Variants in STX8 observed in about 807,000 individuals in gnomAD.
The protein encoded by STX8 is syntaxin-8.
In STX8, 23 loss-of-function variants were observed where a neutral mutation model predicts 37.5. That is an observed-to-expected ratio of 0.61 (90% CI 0.44 to 0.87). The LOEUF (loss-of-function observed/expected upper bound fraction) is 0.87. Ranked by LOEUF, STX8 falls within the 40% of genes least tolerant of loss-of-function variation. The probability of loss-of-function intolerance (pLI) is 0.00; values close to 1 mark genes in which losing one functional copy is unlikely to be tolerated. For missense variants in STX8, 313 were observed against 284.7 expected (o/e 1.10, Z -0.71); for synonymous variants, 115 against 99.1 (o/e 1.16, Z -0.95).
chr17:9,328,453 A>G (rs1909849150), intron 7 of STX8, among the ~76,000 whole-genome samples: 1 of 152,168 alleles, frequency 6.6e-6, no homozygotes, highest in South Asian at 2.1e-4. Flanking sequence ...CCGAGCCCCA[A>G]CAAGGTCATC....
chr17:9,463,677 C>G (rs1905488086), intron 6 of STX8, among the ~76,000 whole-genome samples: 1 of 152,032 alleles, frequency 6.6e-6, no homozygotes, highest in Admixed American at 6.6e-5. Flanking sequence ...GGAGGCCGAG[C>G]TGGGCGGATC....
chr17:9,367,800 G>A (rs906155245), intron 7 of STX8, among the ~76,000 whole-genome samples: 12 of 151,982 alleles, frequency 7.9e-5, no homozygotes, highest in Non-Finnish European at 1.5e-4. Flanking sequence ...GTAGGATCTC[G>A]GCTCACTGCA....
chr17:9,489,684 T>C lies in STX8; in HGVS notation c.541+2145A>G, dbSNP rs997512963. Among the ~76,000 whole-genome samples the C allele has an allele frequency of 1.2e-4, 11 of 95,250 alleles. No homozygotes were observed. In the South Asian group the frequency reaches 2.8e-3, roughly 24 times the overall value. 62.5% of individuals were successfully genotyped at this position (95,250 alleles called of 152,430 possible). A position where few individuals can be genotyped will look rare whatever the true frequency, so the allele number is the denominator to read the frequency against. On this transcript the variant is annotated intron_variant, in intron 6 of 7. Transcript: ENST00000306357. ...AGATAGGCAGATTTTCTATAAAGCT[T>C]ACTTTCCTTTTTTTTTTTTTTTGAG... is the stretch of plus-strand genomic sequence containing the variant.
At chr17:9,561,952 CTAGT>C (rs1907251259) in intron 2 of STX8, among the ~76,000 whole-genome samples, 1 of 151,964 alleles carries the variant, frequency 6.6e-6, no homozygotes, top group Non-Finnish European at 1.5e-5. Context: ...GAAGATGACA[CTAGT>C]TAAATAGATA....
intron 6 of STX8, among the ~76,000 whole-genome samples, chr17:9,443,584 C>A (rs1391942306): frequency 6.6e-6 from 1 of 152,144 alleles, no homozygotes; most frequent in Non-Finnish European, 1.5e-5. Context: ...CAGAGCCACT[C>A]CCTTGAGCCA....
intron 6 of STX8, among the ~76,000 whole-genome samples, chr17:9,435,725 G>T (rs1904408625): frequency 6.6e-6 from 1 of 152,128 alleles, no homozygotes; most frequent in Admixed American, 6.5e-5. Flanking sequence ...TAGATAATAA[G>T]AAAACAACCA....
At chr17:9,347,593 G>C (rs1246923084) in intron 7 of STX8, among the ~76,000 whole-genome samples, 7 of 152,102 alleles carry the variant, frequency 4.6e-5, no homozygotes, top group Non-Finnish European at 4.4e-5. Context: ...TCAGCTCATT[G>C]CAAAACTCTG....
intron 7 of STX8, among the ~76,000 whole-genome samples, chr17:9,301,665 T>G (rs1908793006): frequency 6.6e-6 from 1 of 151,164 alleles, no homozygotes; most frequent in South Asian, 2.1e-4. Flanking sequence ...TTTTTTTTTT[T>G]GTATTTTTAG....
chr17:9,281,068 A>G (rs1272734265), intron 7 of STX8, among the ~76,000 whole-genome samples: 1 of 152,096 alleles, frequency 6.6e-6, no homozygotes, highest in Non-Finnish European at 1.5e-5. Context: ...GGAAGAAGTA[A>G]TGGTGGAGGG....
chr17:9,564,907 A>C lies in STX8; in HGVS notation c.117+3464T>G, dbSNP rs1907394282. On this transcript the variant is annotated intron_variant, in intron 2 of 7. Transcript: ENST00000306357. ...AGCCCAAATAGCCAAGGCAATCCTA[A>C]GCAAAAAGAACAAAGCTGGGCCGGG... 2.0e-5 allele frequency among the ~76,000 whole-genome samples: 3 copies of C among 152,370 alleles called. No homozygotes were observed. The South Asian group carries it at 6.2e-4, about 32-fold the overall frequency.
intron 4 of STX8, among the ~76,000 whole-genome samples, chr17:9,506,184 T>G (rs1904818796): frequency 2.6e-5 from 4 of 151,664 alleles, no homozygotes; most frequent in Non-Finnish European, 5.9e-5. Flanking sequence ...TTTTCAGGAT[T>G]TTTCTCCTCT....
At chr17:9,272,869 C>T (rs1469192344) in intron 7 of STX8, among the ~76,000 whole-genome samples, 3 of 152,244 alleles carry the variant, frequency 2.0e-5, no homozygotes, top group Admixed American at 6.5e-5. Context: ...ACCTTCCTCA[C>T]GCCCCTCTTT....
At chr17:9,394,762 C>G (rs927780304) in intron 6 of STX8, among the ~76,000 whole-genome samples, 35 of 151,720 alleles carry the variant, frequency 2.3e-4, no homozygotes, top group African/African-American at 8.5e-4. Flanking sequence ...GAGGCACAAA[C>G]AGTTATAAAG....
At chr17:9,290,312 CCA>C (rs1908269982) in intron 7 of STX8, among the ~76,000 whole-genome samples, 1 of 109,338 alleles carries the variant, frequency 9.1e-6, no homozygotes, top group African/African-American at 3.9e-5. Flanking sequence ...CAAATGCATG[CCA>C]CTGTGTGTGG....
At chr17:9,565,632 AAAT>A (rs1279520467) in intron 2 of STX8, among the ~76,000 whole-genome samples, 3 of 151,464 alleles carry the variant, frequency 2.0e-5, no homozygotes, top group Non-Finnish European at 1.5e-5. Flanking sequence ...AAAAAAAAAA[AAAT>A]AGAGTACCCA....
At chr17:9,383,327 A>G (rs986706255) in intron 6 of STX8, among the ~76,000 whole-genome samples, 13 of 152,246 alleles carry the variant, frequency 8.5e-5, no homozygotes, top group Admixed American at 3.3e-4. Context: ...ATATATTAGT[A>G]AAGAAGAAAG....
At chr17:9,427,010 T>C (rs1458189748) in intron 6 of STX8, among the ~76,000 whole-genome samples, 1 of 152,166 alleles carries the variant, frequency 6.6e-6, no homozygotes, top group African/African-American at 2.4e-5. Context: ...TTTGAATTTC[T>C]GTGATTTTTA....
rs550628491 is a variant in STX8 at position 9,483,282 on chromosome 17, C to T, written c.541+8547G>A. 1.1e-4 allele frequency among the ~76,000 whole-genome samples: 17 copies of T among 152,176 alleles called. No homozygotes were observed. In the South Asian group the frequency reaches 2.7e-3, roughly 24 times the overall value. On this transcript the variant is annotated intron_variant, in intron 6 of 7. Transcript: ENST00000306357. ...CCTTGGCTCATGGCTCCGTTCTCCA[C>T]GTTCAGAGTCAGCAGCGTAGCATCC... is the stretch of plus-strand genomic sequence containing the variant.
At chr17:9,319,382 G>A (rs1297948239) in intron 7 of STX8, among the ~76,000 whole-genome samples, 1 of 152,076 alleles carries the variant, frequency 6.6e-6, no homozygotes, top group East Asian at 1.9e-4. Flanking sequence ...TTGTGCCACT[G>A]CACTCCAGCC....
Sources: allele counts gnomAD v4.1 joint callset (sites outside exome capture counted in the v4.1 genomes callset), GRCh38; gene constraint gnomAD v4.1.1; transcripts MANE v1.5; gene names NCBI Gene and HGNC (gene_info 2026-07-23, HGNC 2026-07-21).